The following CTTN variants were observed in gnomAD, a reference collection of about 807,000 sequenced individuals.
The protein encoded by CTTN is src substrate cortactin.
In CTTN, 28 loss-of-function variants were observed where a neutral mutation model predicts 84.0. The ratio of observed to expected loss-of-function variants is 0.33; its 90% CI spans 0.25 to 0.46. The LOEUF (loss-of-function observed/expected upper bound fraction) is 0.46, where lower values mean the gene tolerates loss of function less well. Among genes scored for constraint, CTTN ranks in the 20% least tolerant of loss-of-function variants. The probability of loss-of-function intolerance (pLI) is 1.00; values close to 1 mark genes in which losing one functional copy is unlikely to be tolerated. For synonymous variants in CTTN, 301 were observed against 288.8 expected (o/e 1.04, Z -0.43); for missense variants, 641 against 723.8 (o/e 0.89, Z 1.31).
intron 5 of CTTN, among the ~76,000 whole-genome samples, chr11:70,411,898 C>G (rs1169882288): frequency 6.6e-6 from 1 of 152,180 alleles, no homozygotes; most frequent in Non-Finnish European, 1.5e-5. Context: ...AGGGTCGGGA[C>G]TTGTCATCCT....
At position 70,435,253 on chromosome 11, in the gene CTTN, GTTTTTTTTT is replaced by G. The variant is rs370623790; in HGVS notation, c.*108_*116del. The stretch of plus-strand genomic sequence containing the variant: ...TCTTGGGTGGTTTTGGGTTTTTTCT[GTTTTTTTTT>G]TTTTTTTTTTTTTTTTGAAGGTGGG... On this transcript the variant is annotated 3_prime_UTR_variant, in exon 18 of 18. Transcript: ENST00000301843. 12 of 938,782 alleles carry G rather than the reference GTTTTTTTTT, an allele frequency of 1.3e-5. No homozygotes were observed. The highest frequency in any genetic ancestry group is 5.2e-5 in the East Asian group (1 of 19,060). The allele number at this position is 938,782 out of a possible 1,614,324, so 58.2% of individuals were successfully genotyped here. A position where few individuals can be genotyped will look rare whatever the true frequency, so the allele number is the denominator to read the frequency against.
intron 13 of CTTN, among the ~76,000 whole-genome samples, chr11:70,428,790 A>T (rs1460512190): frequency 6.6e-6 from 1 of 152,250 alleles, no homozygotes; most frequent in Non-Finnish European, 1.5e-5. Context: ...GGTGGTGAAG[A>T]TACCGTCTTA....
At position 70,422,811 on chromosome 11, in the gene CTTN, G is replaced by A; in HGVS notation, c.902-129G>A. ...TTGCCTTGCAAGTGAAGCCTCGCTT[G>A]GCCATTCTCGTTTCTTCCCGCTGTG... On this transcript the variant is annotated intron_variant, in intron 11 of 17. Coordinates refer to ENST00000301843, the MANE Select transcript of CTTN (RefSeq NM_005231.4). The A allele has an allele frequency of 5.2e-6, 8 of 1,525,824 alleles. No individual in the cohort carries two copies. The South Asian group carries it at 8.7e-5, about 17-fold the overall frequency. 94.5% of individuals were successfully genotyped at this position (1,525,824 alleles called of 1,614,324 possible).
intron 7 of CTTN, 33 bp downstream of exon 7, chr11:70,415,750 C>T (rs1343881289): frequency 6.8e-6 from 11 of 1,610,790 alleles, no homozygotes; most frequent in South Asian, 1.1e-5. Flanking sequence ...AGAGCCCGCT[C>T]CGGGGGCCCC....
chr11:70,407,160 A>G (rs1304630372), intron 2 of CTTN, 138 bp from the exon 3 acceptor site: 2 of 655,512 alleles, frequency 3.1e-6, no homozygotes, highest in Non-Finnish European at 5.3e-6. Context: ...CTTATGGATC[A>G]TGAAGGATTG....
At chr11:70,411,175 G>A (rs555557473) in intron 5 of CTTN, among the ~76,000 whole-genome samples, 1 of 146,276 alleles carries the variant, frequency 6.8e-6, no homozygotes, top group Admixed American at 6.6e-5. Context: ...TCAGTGCAGC[G>A]AGCGAAGCAA....
chr11:70,427,351 A>G (rs1403102783), intron 13 of CTTN, among the ~76,000 whole-genome samples: 1 of 152,134 alleles, frequency 6.6e-6, no homozygotes, highest in African/African-American at 2.4e-5. Context: ...CTCCATCTCA[A>G]AAAATAAAAA....
chr11:70,414,997 G>T (rs1565491653), intron 6 of CTTN, among the ~76,000 whole-genome samples: 1 of 152,186 alleles, frequency 6.6e-6, no homozygotes, highest in Non-Finnish European at 1.5e-5. Flanking sequence ...CCTATACCGG[G>T]GGGGCAGGAT....
chr11:70,414,402 T>A, intron 5 of CTTN, 140 bp from the exon 6 acceptor site: 1 of 564,850 alleles, frequency 1.8e-6, no homozygotes, highest in South Asian at 2.4e-5. Context: ...GTCGCCTTCC[T>A]TGGCTCCCCA....
chr11:70,427,128 T>A (rs2058308750), intron 13 of CTTN, among the ~76,000 whole-genome samples: 1 of 151,884 alleles, frequency 6.6e-6, no homozygotes, highest in Admixed American at 6.6e-5. Context: ...GGTGGGTGGA[T>A]CACCTGAGGT....
intron 13 of CTTN, among the ~76,000 whole-genome samples, chr11:70,426,410 CAAA>C (rs889788502): frequency 1.4e-4 from 10 of 72,652 alleles, no homozygotes; most frequent in Admixed American, 4.6e-4. Context: ...GACTCCGTCT[CAAA>C]AAAAAAAAAA....
At position 70,436,473 on chromosome 11, in the gene CTTN, G is replaced by T; in HGVS notation, c.*1311G>T. The T allele has an allele frequency of 6.8e-7, 1 of 1,472,530 alleles. No individual in the cohort carries two copies. The highest frequency in any genetic ancestry group is 9.3e-7 in the Non-Finnish European group (1 of 1,072,900). The allele number at this position is 1,472,530 out of a possible 1,614,324, so 91.2% of individuals were successfully genotyped here. Reference sequence around the variant, plus strand: ...TTGCTTTACCACAATGAGCAATGAGGTCGGGTTTTATATGCAACTTATTGT... The same window carrying T: ...TTGCTTTACCACAATGAGCAATGAGTTCGGGTTTTATATGCAACTTATTGT... On this transcript the variant is annotated 3_prime_UTR_variant, in exon 18 of 18. Transcript: ENST00000301843.
Position 70,429,110 on chromosome 11 carries a change from CAGG to C in CTTN, c.1092_1094del (p.Glu364del). 6.2e-7 allele frequency: 1 copy of C among 1,614,170 alleles called. No individual in the cohort carries two copies. The highest frequency in any genetic ancestry group is 8.5e-7 in the Non-Finnish European group (1 of 1,180,036). On this transcript the variant is annotated inframe_deletion, in exon 14 of 18. Coordinates refer to ENST00000301843, the MANE Select transcript of CTTN (RefSeq NM_005231.4). ...TGAAAACCTCGCTAAGGAGAAAGAG[CAGG>C]AGGACAGGCGGAAGGCGGAGGCGGA...
intron 1 of CTTN, among the ~76,000 whole-genome samples, chr11:70,399,285 A>G (rs2057947736): frequency 1.0e-5 from 1 of 98,382 alleles, no homozygotes; most frequent in African/African-American, 3.9e-5. Flanking sequence ...AGGGAAGGGA[A>G]TTGGGGTTCG....
At chr11:70,415,431 C>T (rs939853941) in intron 6 of CTTN, among the ~76,000 whole-genome samples, 1 of 152,160 alleles carries the variant, frequency 6.6e-6, no homozygotes, top group African/African-American at 2.4e-5. Flanking sequence ...GGGCAGGTCA[C>T]CAGGGATATG....
In CTTN at chr11:70,435,017, C is replaced by T. The variant is rs372784223; in HGVS notation, c.1517-9C>T. 5.9e-5 allele frequency: 95 copies of T among 1,613,684 alleles called. No individual in the cohort carries two copies. The highest frequency in any genetic ancestry group is 7.6e-5 in the Non-Finnish European group (90 of 1,179,942). On this transcript the variant is annotated splice_polypyrimidine_tract_variant and intron_variant, in intron 17 of 17. Transcript: ENST00000301843. ...ACTTCAGCATCTTTCTCTGTGTTCTCTTCCCCAGCGGGCGATGATGAGATC... is the reference window on the plus strand; with the variant it reads ...ACTTCAGCATCTTTCTCTGTGTTCTTTTCCCCAGCGGGCGATGATGAGATC...
Position 70,435,206 on chromosome 11 carries a change from T to A in CTTN, c.*44T>A. The A allele has an allele frequency of 1.3e-6, 2 of 1,538,762 alleles. No individual in the cohort carries two copies. Among genetic ancestry groups the A allele is most frequent in the Non-Finnish European group, 1.7e-6 (2 of 1,153,044 alleles). On this transcript the variant is annotated 3_prime_UTR_variant, in exon 18 of 18. Coordinates refer to ENST00000301843, the MANE Select transcript of CTTN (RefSeq NM_005231.4). The stretch of plus-strand genomic sequence containing the variant: ...GGAGCTGCGCCCTGGATCCTCACAC[T>A]ACAGATCAGGCCTTCTTTGGTTCTT...
intron 4 of CTTN, among the ~76,000 whole-genome samples, 169 bp from the exon 5 acceptor site, chr11:70,409,662 C>T (rs1472481358): frequency 6.6e-5 from 10 of 152,110 alleles, no homozygotes; most frequent in African/African-American, 2.2e-4. Context: ...GTGTACCAGC[C>T]GGCAGAATAG....
At chr11:70,434,978 C>G (rs2058398339) in intron 17 of CTTN, 48 bp from the exon 18 acceptor site, 2 of 1,602,828 alleles carry the variant, frequency 1.2e-6, no homozygotes, top group Non-Finnish European at 1.7e-6. Context: ...TCTGGCAGAC[C>G]AGGAAACGCT....
Sources: gnomAD v4.1 joint callset for allele counts (sites outside exome capture counted in the v4.1 genomes callset) on GRCh38, gnomAD v4.1.1 for gene constraint, MANE v1.5 for transcripts, NCBI Gene and HGNC (gene_info 2026-07-23, HGNC 2026-07-21) for gene names.